PPM1B: variants seen among roughly 807,000 people sequenced by gnomAD.
The protein encoded by PPM1B is protein phosphatase, Mg2+/Mn2+ dependent 1B.
Under a neutral mutation model 43.0 loss-of-function variants are expected in PPM1B, and 22 were observed. The observed-to-expected ratio is 0.51, with a 90% CI of 0.37 to 0.73. PPM1B has a LOEUF of 0.73. Ranked by LOEUF, PPM1B falls within the 30% of genes least tolerant of loss-of-function variation. PPM1B has a pLI of 0.00. For missense variants in PPM1B, 632 were observed against 584.2 expected, an observed-to-expected ratio of 1.08 and a Z score of -0.84; for synonymous variants, 217 against 197.9, an observed-to-expected ratio of 1.10 and a Z score of -0.81.
chr2:44,194,216 T>C (rs1668545481), intron 1 of PPM1B, among the ~76,000 whole-genome samples: 1 of 152,308 alleles, frequency 6.6e-6, no homozygotes, highest in Non-Finnish European at 1.5e-5. Context: ...AATCTTTGGA[T>C]AGCTCCTCAT....
downstream of PPM1B, chr2:44,233,211 T>G: frequency 1.1e-6 from 1 of 917,060 alleles, no homozygotes; most frequent in Non-Finnish European, 1.3e-6. Context: ...AATTTGGTAT[T>G]TTTAATCATT....
At chr2:44,241,247 C>A (rs1380419554) in intron 5 of PPM1B, among the ~76,000 whole-genome samples, 3 of 141,088 alleles carry the variant, frequency 2.1e-5, no homozygotes, top group African/African-American at 7.7e-5. Context: ...AGGTGATCCG[C>A]CCCCCTTGGC....
chr2:44,200,768 C>T (rs1480201816), intron 1 of PPM1B, among the ~76,000 whole-genome samples: 3 of 152,162 alleles, frequency 2.0e-5, no homozygotes, highest in Non-Finnish European at 4.4e-5. Flanking sequence ...TTTGAATATT[C>T]TCATTGTCCA....
chr2:44,186,692 G>T (rs1240944705), intron 1 of PPM1B, among the ~76,000 whole-genome samples: 4 of 152,174 alleles, frequency 2.6e-5, no homozygotes, highest in African/African-American at 9.7e-5. Context: ...TAACTAAAAG[G>T]TTTATACAAC....
chr2:44,226,224 C>G (rs1670202700), intron 5 of PPM1B, among the ~76,000 whole-genome samples: 1 of 152,084 alleles, frequency 6.6e-6, no homozygotes, highest in Non-Finnish European at 1.5e-5. Flanking sequence ...ATCTGCCTGC[C>G]TCAGCCTCCC....
At chr2:44,208,152 T>C (rs1400354762) in intron 2 of PPM1B, among the ~76,000 whole-genome samples, 1 of 152,004 alleles carries the variant, frequency 6.6e-6, no homozygotes, top group Non-Finnish European at 1.5e-5. Flanking sequence ...CCTCCCAAAG[T>C]GCTGGGATTA....
chr2:44,199,866 A>G (rs1053830456), intron 1 of PPM1B, among the ~76,000 whole-genome samples: 2 of 152,218 alleles, frequency 1.3e-5, no homozygotes, highest in Non-Finnish European at 2.9e-5. Context: ...TTACATATAT[A>G]TATCGAGTGG....
intron 3 of PPM1B, among the ~76,000 whole-genome samples, chr2:44,211,106 A>G (rs547278524): frequency 2.0e-5 from 3 of 152,244 alleles, no homozygotes; most frequent in East Asian, 3.9e-4. Flanking sequence ...ACTGTACTCT[A>G]GCCTGGATGA....
At chr2:44,205,380 T>TGTGTGTGTGTAA (rs3841859) in intron 2 of PPM1B, among the ~76,000 whole-genome samples, 40 of 150,630 alleles carry the variant, frequency 2.7e-4, no homozygotes, top group African/African-American at 9.6e-4. Flanking sequence ...TGTGTGTGTG[T>TGTGTGTGTGTAA]AAGTGTCTGT....
intron 5 of PPM1B, among the ~76,000 whole-genome samples, chr2:44,240,078 G>A (rs1351188296): frequency 7.7e-6 from 1 of 129,780 alleles, no homozygotes; most frequent in Admixed American, 7.5e-5. Context: ...TGGCACCATA[G>A]CGCACTGCAG....
At chr2:44,193,641 A>G (rs1341103885) in intron 1 of PPM1B, among the ~76,000 whole-genome samples, 6 of 136,064 alleles carry the variant, frequency 4.4e-5, no homozygotes, top group African/African-American at 1.7e-4. Flanking sequence ...GTGCAGTGCT[A>G]CGATCTCAGC....
At chr2:44,244,062 T>C (rs965506366) in intron 5 of PPM1B, among the ~76,000 whole-genome samples, 1 of 152,106 alleles carries the variant, frequency 6.6e-6, no homozygotes. Context: ...TAATTCCTTG[T>C]TATTTTATAT....
rs769537511 is a variant in PPM1B, at chr2:44,219,541, TAGTG to T, written c.1134+1008_1134+1011del. ...GAAAATTTAATAATTAATATAATTT[TAGTG>T]AGTCATATAAAAGTGATGCTATATA... On this transcript the variant is annotated intron_variant, in intron 5 of 5. Coordinates refer to ENST00000282412, the MANE Select transcript of PPM1B (RefSeq NM_002706.6). Among the ~76,000 whole-genome samples the T allele has an allele frequency of 9.8e-5, 15 of 152,324 alleles. No individual in the cohort carries two copies. The East Asian group carries it at 1.2e-3, about 12-fold the overall frequency.
chr2:44,233,987 A>G (rs1490695182), downstream of PPM1B: 4 of 985,214 alleles, frequency 4.1e-6, no homozygotes, highest in Non-Finnish European at 4.8e-6. Flanking sequence ...ACTTCCCAGT[A>G]TGATATTGTG....
intron 1 of PPM1B, among the ~76,000 whole-genome samples, chr2:44,185,286 T>TAA (rs1171917622): frequency 1.3e-5 from 2 of 152,210 alleles, no homozygotes; most frequent in Non-Finnish European, 2.9e-5. Context: ...TCTTGTATGA[T>TAA]ACCTTGCCCT....
At position 44,187,191 on chromosome 2, in the gene PPM1B, C is replaced by G. The variant is rs188351398; in HGVS notation, c.-14-13995C>G. Among the ~76,000 whole-genome samples the G allele has an allele frequency of 7.2e-5, 11 of 152,248 alleles. No individual in the cohort carries two copies. In the East Asian group the frequency reaches 1.7e-3, roughly 24 times the overall value. On this transcript the variant is annotated intron_variant, in intron 1 of 5. Transcript: ENST00000282412. ...GTAAGTGGAATCATGTAGTATTTGT[C>G]TTTTTGTGACTGACATGTTGTCCAT... is the stretch of plus-strand genomic sequence containing the variant.
intron 1 of PPM1B, among the ~76,000 whole-genome samples, chr2:44,191,557 G>T (rs181117137): frequency 6.6e-6 from 1 of 152,232 alleles, no homozygotes; most frequent in African/African-American, 2.4e-5. Flanking sequence ...GCATCACACT[G>T]TATGTATCAT....
chr2:44,221,235 A>G (rs1441752423), intron 5 of PPM1B, among the ~76,000 whole-genome samples: 3 of 152,232 alleles, frequency 2.0e-5, no homozygotes, highest in Non-Finnish European at 4.4e-5. Flanking sequence ...TTCCTTGTTT[A>G]CTGTGAAAAC....
chr2:44,214,423 A>G lies in PPM1B; in HGVS notation c.965-3544A>G, dbSNP rs193207399. Reference sequence around the variant, plus strand: ...TTGTTACAAAAAAAGCTTATTGATGACACTTGTTAAAGATGGTAAGGCAGA... The same window carrying G: ...TTGTTACAAAAAAAGCTTATTGATGGCACTTGTTAAAGATGGTAAGGCAGA... On this transcript the variant is annotated intron_variant, in intron 3 of 5. Transcript: ENST00000282412. 1.2e-3 allele frequency among the ~76,000 whole-genome samples: 184 copies of G among 150,706 alleles called. 3 individuals are homozygous for G. Among genetic ancestry groups the G allele is most frequent in the Non-Finnish European group, 2.2e-3 (146 of 67,728 alleles).
Sources: gnomAD v4.1 joint callset for allele counts (sites outside exome capture counted in the v4.1 genomes callset) on GRCh38, gnomAD v4.1.1 for gene constraint, MANE v1.5 for transcripts, NCBI Gene and HGNC (gene_info 2026-07-23, HGNC 2026-07-21) for gene names.